BICDL2: variants seen among roughly 807,000 people sequenced by gnomAD.
BICDL2 encodes the protein BICD family-like cargo adapter 2.
A neutral mutation model predicts 56.6 loss-of-function variants in BICDL2; 62 were observed. The observed-to-expected ratio is 1.10, with a 90% CI of 0.89 to 1.35. The LOEUF is 1.35. Ranked by LOEUF, BICDL2 falls within the 40% of genes most tolerant of loss-of-function variation. The pLI, the probability that BICDL2 is intolerant of heterozygous loss-of-function variation, is 0.00. For missense variants in BICDL2, 808 were observed against 684.5 expected, an observed-to-expected ratio of 1.18 and a Z score of -2.01; for synonymous variants, 358 against 319.8, an observed-to-expected ratio of 1.12 and a Z score of -1.27.
At chr16:3,033,138 C>G (rs1955680446) in intron 2 of BICDL2, 1 of 152,064 alleles carries the variant, frequency 6.6e-6, no homozygotes, top group East Asian at 1.9e-4. Flanking sequence ...AACCCCGTCT[C>G]TACTAAAAAT....
At position 3,029,402 on chromosome 16, in the gene BICDL2, C is replaced by A; in HGVS notation, c.985G>T (p.Ala329Ser). Residue 329 changes from alanine to serine, a missense_variant, in exon 7 of 10, where the codon GCG (alanine) becomes TCG (serine). Physicochemically the swap from Ala to Ser is moderately conservative, Grantham distance 99. Coordinates refer to ENST00000572449, the MANE Select transcript of BICDL2 (RefSeq NM_001369667.1). ...GGGGGTGAAGGCTGGGGGCTGGACG[C>A]CTTTCGGGTCTTTGGGGACCGGGTG... ...PTTRSPKTRK[A>S]SSPQPSPPEE... 2 of 1,607,348 alleles carry A rather than the reference C, an allele frequency of 1.2e-6. No individual in the cohort carries two copies. Among genetic ancestry groups the A allele is most frequent in the South Asian group, 1.1e-5 (1 of 90,952 alleles).
At chr16:3,034,077 C>A (rs528234529) in intron 2 of BICDL2, among the ~76,000 whole-genome samples, 1 of 152,242 alleles carries the variant, frequency 6.6e-6, no homozygotes, top group Admixed American at 6.5e-5. Flanking sequence ...AGAACCTGGG[C>A]AGAGGGAACT....
Position 3,028,154 on chromosome 16 carries a change from G to T in BICDL2, c.1479C>A (p.Gly493=). Residue 493 remains glycine, a synonymous_variant, in exon 10 of 10, where the codon GGC becomes GGA. Coordinates refer to ENST00000572449, the MANE Select transcript of BICDL2 (RefSeq NM_001369667.1). ...TGAGAAAGCCACCGGCGGGCCCGGG[G>T]CCCAGGCGCAGCGAGAAGCGGGGCG... ...RAAPRFSLRL[G]PGPAGGFLSN... 6.9e-7 allele frequency: 1 copy of T among 1,445,182 alleles called. No individual in the cohort carries two copies. The highest frequency in any genetic ancestry group is 1.5e-5 in the South Asian group (1 of 67,310). 89.5% of individuals were successfully genotyped at this position (1,445,182 alleles called of 1,614,324 possible).
Position 3,029,698 on chromosome 16 carries a change from C to G in BICDL2, c.804G>C (p.Ala268=). ...ARSEAGEALS[A]LRRLQRRVSE... ...AGACGCGCCGCTGCAGCCTCCGCAGCGCACTCAGCGCCTCCCCAGCCTCTG... is the reference window on the plus strand; with the variant it reads ...AGACGCGCCGCTGCAGCCTCCGCAGGGCACTCAGCGCCTCCCCAGCCTCTG... Residue 268 remains alanine (A), a synonymous_variant, in exon 6 of 10, where the codon GCG becomes GCC. Coordinates refer to ENST00000572449, the MANE Select transcript of BICDL2 (RefSeq NM_001369667.1). The G allele has an allele frequency of 1.3e-6, 2 of 1,540,702 alleles. No homozygotes were observed. Among genetic ancestry groups the G allele is most frequent in the African/African-American group, 1.4e-5 (1 of 73,118 alleles).
At chr16:3,036,155 C>T (rs1955730600) in intron 1 of BICDL2, 1 of 416,936 alleles carries the variant, frequency 2.4e-6, no homozygotes, top group Non-Finnish European at 4.7e-6. Flanking sequence ...CACCCCAGTC[C>T]CCATTTTCCA....
chr16:3,030,943 G>C lies in BICDL2; in HGVS notation c.490C>G (p.Leu164Val). 6.5e-7 allele frequency: 1 copy of C among 1,547,802 alleles called. No homozygotes were observed. Among genetic ancestry groups the C allele is most frequent in the Non-Finnish European group, 8.7e-7 (1 of 1,152,316 alleles). ...SEQNLRLSQQ[L>V]AQASQTEQEL... The stretch of plus-strand genomic sequence containing the variant: ...GGTCAGGGCCATCCCACCTGAGCCA[G>C]CTGCTGGCTGAGCCGGAGGTTCTGC... The change falls in exon 3 of 10, where the codon CTG (leucine) becomes GTG (valine). Residue 164 changes from leucine (L) to valine (V), a missense_variant. Physicochemically the swap from Leu to Val is conservative, Grantham distance 32. Coordinates refer to ENST00000572449, the MANE Select transcript of BICDL2 (RefSeq NM_001369667.1).
At chr16:3,033,862 G>T (rs1377629598) in intron 2 of BICDL2, among the ~76,000 whole-genome samples, 1 of 152,138 alleles carries the variant, frequency 6.6e-6, no homozygotes, top group African/African-American at 2.4e-5. Flanking sequence ...GGGAAGGCGA[G>T]GATGGGGACA....
Position 3,029,743 on chromosome 16 carries a change from T to C in BICDL2, c.763-4A>G. On this transcript the variant is annotated splice_polypyrimidine_tract_variant and splice_region_variant and intron_variant, in intron 5 of 9. Transcript: ENST00000572449. ...CCTCTGACCGTGCGCGTTCCAGCTG[T>C]GGACGGTCCCGCAGACGGAAGCGCG... The C allele has an allele frequency of 6.7e-7, 1 of 1,487,126 alleles. No homozygotes were observed. Among genetic ancestry groups the C allele is most frequent in the Non-Finnish European group, 8.9e-7 (1 of 1,127,336 alleles). 92.1% of individuals were successfully genotyped at this position (1,487,126 alleles called of 1,614,324 possible). A position where few individuals can be genotyped will look rare whatever the true frequency, so the allele number is the denominator to read the frequency against.
At chr16:3,028,607 G>A in intron 8 of BICDL2, 93 bp downstream of exon 8, 2 of 1,475,432 alleles carry the variant, frequency 1.4e-6, no homozygotes, top group Non-Finnish European at 1.8e-6. Flanking sequence ...CTGGGTGGGA[G>A]TGGGGATCAT....
Position 3,035,185 on chromosome 16 carries a change from A to ACCCCCCCCCCCCCCCCCCC in BICDL2, c.282+29_282+30insGGGGGGGGGGGGGGGGGGG. The ACCCCCCCCCCCCCCCCCCC allele has an allele frequency of 9.7e-5, 4 of 41,126 alleles. 1 individual carries two copies. The highest frequency in any genetic ancestry group is 1.7e-4 in the Non-Finnish European group (4 of 23,254). The allele number at this position is 41,126 out of a possible 1,614,324, so 2.5% of individuals were successfully genotyped here. A position where few individuals can be genotyped will look rare whatever the true frequency, so the allele number is the denominator to read the frequency against. On this transcript the variant is annotated intron_variant, in intron 2 of 9. Transcript: ENST00000572449. ...CCCACCCGTCCTCCCCTGCCCACCCACCCACCCACCCCGTCCAGTGCTAGC... is the reference window on the plus strand; with the variant it reads ...CCCACCCGTCCTCCCCTGCCCACCCACCCCCCCCCCCCCCCCCCCCCCACCCACCCCGTCCAGTGCTAGC...
rs1955718594 is a variant in BICDL2, at chr16:3,035,349, G to A, written c.148C>T (p.Leu50=). 1 of 1,601,442 alleles carries A rather than the reference G, an allele frequency of 6.2e-7. No individual in the cohort carries two copies. Among genetic ancestry groups the A allele is most frequent in the South Asian group, 1.1e-5 (1 of 89,248 alleles). ...TCCTTCTGCTGCAGCTGCAAGGCTA[G>A]GTCCTCGGGCTCCTCAGGCCCTGGG... is the stretch of plus-strand genomic sequence containing the variant. ...GGPGPEEPED[L]ALQLQQKEKD... is the part of the protein sequence containing the mutation. The change falls in exon 2 of 10, where the codon CTA becomes TTA. Residue 50 remains leucine, a synonymous_variant. Coordinates refer to ENST00000572449, the MANE Select transcript of BICDL2 (RefSeq NM_001369667.1).
At position 3,027,708 on chromosome 16, in the gene BICDL2, T is replaced by TC; in HGVS notation, c.*397dup. The TC allele has an allele frequency of 6.9e-7, 1 of 1,449,466 alleles. No homozygotes were observed. The highest frequency in any genetic ancestry group is 9.1e-7 in the Non-Finnish European group (1 of 1,096,138). The allele number at this position is 1,449,466 out of a possible 1,614,324, so 89.8% of individuals were successfully genotyped here. A position where few individuals can be genotyped will look rare whatever the true frequency, so the allele number is the denominator to read the frequency against. On this transcript the variant is annotated 3_prime_UTR_variant, in exon 10 of 10. Transcript: ENST00000572449. ...CAGGGTTTTAGAGTGTTTTTCATTTTCTTTTTTTTTTTTTTTTTACAATAA... is the reference window on the plus strand; with the variant it reads ...CAGGGTTTTAGAGTGTTTTTCATTTTCCTTTTTTTTTTTTTTTTTACAATAA...
chr16:3,031,102 C>A lies in BICDL2; in HGVS notation c.331G>T (p.Gly111Ter). The A allele has an allele frequency of 6.5e-7, 1 of 1,536,290 alleles. No individual in the cohort carries two copies. The highest frequency in any genetic ancestry group is 8.7e-7 in the Non-Finnish European group (1 of 1,146,624). The change falls in exon 3 of 10, where the codon GGA (glycine) becomes TGA (stop). Residue 111 changes from glycine (G) to a stop codon, truncating the protein, a stop_gained. Coordinates refer to ENST00000572449, the MANE Select transcript of BICDL2 (RefSeq NM_001369667.1). LOFTEE classifies it high-confidence loss of function. ...ACGGCCCGGGCCTCCCACTCGGCTC[C>A]TCGGGCTGCCAGGCCTCGCCGGAGC... ...HELRRGLAAR[G>*]AEWEARAVEL...
In BICDL2 at chr16:3,035,497, G is replaced by A. The variant is rs773474232; in HGVS notation, c.-1C>T. On this transcript the variant is annotated 5_prime_UTR_variant, in exon 2 of 10. Transcript: ENST00000572449. ...AGCTGGGCCCATCTGGAGAGCTCATGTCACCTGCAGCATCTGCGGGGACAG... is the reference window on the plus strand; with the variant it reads ...AGCTGGGCCCATCTGGAGAGCTCATATCACCTGCAGCATCTGCGGGGACAG... 1.9e-6 allele frequency: 3 copies of A among 1,604,092 alleles called. No homozygotes were observed. The highest frequency in any genetic ancestry group is 2.2e-5 in the South Asian group (2 of 90,936).
At chr16:3,030,664 C>G in intron 4 of BICDL2, 32 bp downstream of exon 4, 1 of 1,598,574 alleles carries the variant, frequency 6.3e-7, no homozygotes, top group South Asian at 1.1e-5. Flanking sequence ...TTTTTTGGCT[C>G]AGATAATCCC....
chr16:3,035,176 T>TGGGCCCGGGGGGGGG, intron 2 of BICDL2, 39 bp downstream of exon 2: 1 of 136,274 alleles, frequency 7.3e-6, no homozygotes, highest in Non-Finnish European at 1.4e-5. Context: ...CGTCCTCCCC[T>TGGGCCCGGGGGGGGG]GCCCACCCAC....
intron 7 of BICDL2, 143 bp downstream of exon 7, chr16:3,029,137 G>T: frequency 9.4e-7 from 1 of 1,060,268 alleles, no homozygotes; most frequent in Non-Finnish European, 1.4e-6. Context: ...TGGCATACAG[G>T]CTGGCTCTTG....
intron 2 of BICDL2, among the ~76,000 whole-genome samples, chr16:3,033,606 C>A (rs1955686347): frequency 6.6e-6 from 1 of 152,054 alleles, no homozygotes; most frequent in Non-Finnish European, 1.5e-5. Context: ...CATGGTGAGA[C>A]CTCATCTCTA....
In BICDL2 at chr16:3,029,586, C is replaced by G. The variant is rs923791212; in HGVS notation, c.916G>C (p.Gly306Arg). Reference sequence around the variant, plus strand: ...GCGTCGGCGCCCTGGCCCTGGTCGCCGTCGTCGAGGCTGTGGGCCAGTTCT... The same window carrying G: ...GCGTCGGCGCCCTGGCCCTGGTCGCGGTCGTCGAGGCTGTGGGCCAGTTCT... ...QSELAHSLDD[G>R]DQGQGADAPG... Residue 306 changes from glycine (G) to arginine (R), a missense_variant, in exon 6 of 10, where the codon GGC becomes CGC. By Grantham distance (125) the Gly-to-Arg change is moderately radical. Transcript: ENST00000572449. The G allele has an allele frequency of 1.9e-6, 3 of 1,544,058 alleles. No homozygotes were observed. The highest frequency in any genetic ancestry group is 1.7e-6 in the Non-Finnish European group (2 of 1,148,708).
Sources: gnomAD v4.1 joint callset for allele counts (sites outside exome capture counted in the v4.1 genomes callset) on GRCh38, gnomAD v4.1.1 for gene constraint, MANE v1.5 for transcripts, NCBI Gene and HGNC (gene_info 2026-07-23, HGNC 2026-07-21) for gene names.